Variants in GALNT13 observed in about 807,000 individuals in gnomAD.
The protein encoded by GALNT13 is polypeptide N-acetylgalactosaminyltransferase 13, also known as UDP-GalNAc:polypeptide N-acetylgalactosaminyltransferase 13.
GALNT13 carries 28 observed loss-of-function variants against 64.2 expected under a neutral mutation model. The ratio of observed to expected loss-of-function variants is 0.44; its 90% confidence interval spans 0.32 to 0.60. GALNT13 has a LOEUF of 0.60. Ranked by LOEUF, GALNT13 falls within the 20% of genes least tolerant of loss-of-function variation. GALNT13 has a pLI of 0.05. For synonymous variants in GALNT13, 214 were observed against 224.6 expected (o/e 0.95, Z 0.42); for missense variants, 577 against 669.8 (o/e 0.86, Z 1.53).
At chr2:153,143,152 T>G in the GALNT13 span, among the ~76,000 whole-genome samples, 1 of 151,986 alleles carries the variant, frequency 6.6e-6, no homozygotes, top group Non-Finnish European at 1.5e-5. Context: ...TTTAGGCTAC[T>G]TCTGGTGCAG....
Position 154,057,450 on chromosome 2 carries a change from T to C in GALNT13, c.143-82887T>C, listed in dbSNP as rs796157943. ...TCTTATTCCCTTTTTCTCTTCTTTT[T>C]ATTCATTAAATATTTATGTAGTACT... On this transcript the variant is annotated intron_variant, in intron 3 of 12. Coordinates refer to ENST00000392825, the MANE Select transcript of GALNT13 (RefSeq NM_052917.4). 1.8e-4 allele frequency among the ~76,000 whole-genome samples: 28 copies of C among 152,360 alleles called. 1 individual carries two copies. The highest frequency in any genetic ancestry group is 6.7e-4 in the African/African-American group (28 of 41,590).
the GALNT13 span, among the ~76,000 whole-genome samples, chr2:153,287,010 A>G: frequency 6.6e-6 from 1 of 152,258 alleles, no homozygotes; most frequent in East Asian, 1.9e-4. Context: ...AACACTTTAC[A>G]AAGAAAATTT....
the GALNT13 span, among the ~76,000 whole-genome samples, chr2:153,787,060 C>T: frequency 6.6e-6 from 1 of 152,118 alleles, no homozygotes; most frequent in South Asian, 2.1e-4. Flanking sequence ...ACAACCACTG[C>T]TAAGGTCCCT....
the GALNT13 span, among the ~76,000 whole-genome samples, chr2:153,812,742 G>C: frequency 1.3e-5 from 2 of 151,974 alleles, no homozygotes; most frequent in Non-Finnish European, 2.9e-5. Context: ...AGGATACCCA[G>C]AGCTTTTCCA....
intron 8 of GALNT13, among the ~76,000 whole-genome samples, chr2:154,286,315 T>A (rs1330738013): frequency 1.8e-4 from 28 of 152,212 alleles, no homozygotes; most frequent in Admixed American, 1.8e-3. Flanking sequence ...TGTGGCCTTA[T>A]CATACATGGC....
chr2:153,299,102 T>A, the GALNT13 span, among the ~76,000 whole-genome samples: 1 of 152,172 alleles, frequency 6.6e-6, no homozygotes. Context: ...ATAATAGAAT[T>A]TTGAATAAGG....
chr2:153,097,652 C>A, the GALNT13 span, among the ~76,000 whole-genome samples: 941 of 152,208 alleles, frequency 6.2e-3, 16 homozygotes, highest in Non-Finnish European at 6.4e-3. Flanking sequence ...GAAGTAAAAT[C>A]CTTTTATTCA....
At chr2:154,437,413 A>G (rs1338795694) in intron 11 of GALNT13, 1 of 528,262 alleles carries the variant, frequency 1.9e-6, no homozygotes, top group African/African-American at 2.1e-5. Context: ...AGATTTCATC[A>G]GATATCTTTG....
chr2:154,001,440 T>C (rs190796470), intron 3 of GALNT13, among the ~76,000 whole-genome samples: 1 of 151,950 alleles, frequency 6.6e-6, no homozygotes, highest in East Asian at 1.9e-4. Flanking sequence ...ATTATAAGTT[T>C]TTGCTCTGTG....
the GALNT13 span, among the ~76,000 whole-genome samples, chr2:153,509,458 A>G: frequency 6.6e-6 from 1 of 152,278 alleles, no homozygotes; most frequent in African/African-American, 2.4e-5. Flanking sequence ...TCCTTTGCTT[A>G]TATTTAAGAA....
At chr2:153,184,458 T>C in the GALNT13 span, among the ~76,000 whole-genome samples, 1 of 152,356 alleles carries the variant, frequency 6.6e-6, no homozygotes, top group Non-Finnish European at 1.5e-5. Context: ...TGAATACGCT[T>C]CATTTCTTTC....
At chr2:153,635,398 GTATATA>G in the GALNT13 span, among the ~76,000 whole-genome samples, 1 of 120,776 alleles carries the variant, frequency 8.3e-6, no homozygotes, top group Non-Finnish European at 1.8e-5. Flanking sequence ...CAGTAAATAT[GTATATA>G]TATATATATA....
chr2:154,279,956 G>A (rs1334005306), intron 8 of GALNT13, among the ~76,000 whole-genome samples: 1 of 151,860 alleles, frequency 6.6e-6, no homozygotes, highest in Non-Finnish European at 1.5e-5. Context: ...AAAAGTGCCT[G>A]TAAGATGAGT....
chr2:154,293,690 G>C (rs2105967164), intron 8 of GALNT13, among the ~76,000 whole-genome samples: 2 of 152,168 alleles, frequency 1.3e-5, no homozygotes, highest in Admixed American at 1.3e-4. Context: ...AATTCTGTTT[G>C]CTTATTTCAT....
At position 154,040,678 on chromosome 2, in the gene GALNT13, G is replaced by A. The variant is rs143115848; in HGVS notation, c.142+96039G>A. On this transcript the variant is annotated intron_variant, in intron 3 of 12. Coordinates refer to ENST00000392825, the MANE Select transcript of GALNT13 (RefSeq NM_052917.4). ...ACTATTATTTTAAAGTTACTTTAAT[G>A]ATATTGCTTATTTGGGAAGCAGATT... Among the ~76,000 whole-genome samples the A allele has an allele frequency of 1.1e-3, 149 of 140,306 alleles. 9 individuals are homozygous for A. Among genetic ancestry groups the A allele is most frequent in the African/African-American group, 3.4e-3 (140 of 40,954 alleles). 92.0% of individuals were successfully genotyped at this position (140,306 alleles called of 152,430 possible).
the GALNT13 span, among the ~76,000 whole-genome samples, chr2:153,261,742 C>T: frequency 7.5e-6 from 1 of 133,178 alleles, no homozygotes; most frequent in African/African-American, 2.8e-5. Flanking sequence ...AGGCAATCTA[C>T]CCAGGCTTGT....
At chr2:154,156,607 A>T (rs898528989) in intron 4 of GALNT13, among the ~76,000 whole-genome samples, 8 of 152,184 alleles carry the variant, frequency 5.3e-5, no homozygotes, top group African/African-American at 1.9e-4. Flanking sequence ...TAGGAAACAT[A>T]CTTAGAAAGG....
chr2:153,451,447 T>C, the GALNT13 span, among the ~76,000 whole-genome samples: 2 of 152,270 alleles, frequency 1.3e-5, no homozygotes, highest in South Asian at 4.1e-4. Flanking sequence ...TCATCACCAT[T>C]ATCATTATCA....
At chr2:153,902,105 T>C (rs557198346) in intron 2 of GALNT13, among the ~76,000 whole-genome samples, 33 of 152,318 alleles carry the variant, frequency 2.2e-4, no homozygotes, top group African/African-American at 7.2e-4. Flanking sequence ...AGCCATCCAT[T>C]GGTCCTAACC....
Sources: allele counts gnomAD v4.1 joint callset (sites outside exome capture counted in the v4.1 genomes callset), GRCh38; gene constraint gnomAD v4.1.1; transcripts MANE v1.5; gene names NCBI Gene and HGNC (gene_info 2026-07-23, HGNC 2026-07-21).